GRIN3A: variants seen among roughly 807,000 people sequenced by gnomAD.
The protein encoded by GRIN3A is glutamate ionotropic receptor NMDA type subunit 3A, also known as glutamate receptor ionotropic, NMDA 3A.
GRIN3A carries 47 observed loss-of-function variants against 92.4 expected under a neutral mutation model. The observed-to-expected ratio is 0.51, with a 90% confidence interval of 0.40 to 0.65. GRIN3A has a LOEUF of 0.65. Ranked by LOEUF, GRIN3A falls within the 30% of genes least tolerant of loss-of-function variation. The probability of loss-of-function intolerance (pLI) is 0.00; values close to 1 mark genes in which losing one functional copy is unlikely to be tolerated. For missense variants in GRIN3A, 1,324 were observed against 1,393.1 expected (o/e 0.95, Z 0.79); for synonymous variants, 527 against 540.6 (o/e 0.97, Z 0.35).
At chr9:101,647,252 A>G (rs1195662624) in intron 3 of GRIN3A, among the ~76,000 whole-genome samples, 3 of 151,736 alleles carry the variant, frequency 2.0e-5, no homozygotes, top group Non-Finnish European at 4.4e-5. Flanking sequence ...TGAAATGATC[A>G]TATGTTTTTT....
intron 1 of GRIN3A, among the ~76,000 whole-genome samples, chr9:101,720,201 A>T (rs1258828877): frequency 6.6e-6 from 1 of 152,202 alleles, no homozygotes; most frequent in Non-Finnish European, 1.5e-5. Context: ...ATAGGTCCTA[A>T]CTTTCCAGAA....
intron 3 of GRIN3A, among the ~76,000 whole-genome samples, chr9:101,630,055 T>C (rs1055477976): frequency 6.6e-6 from 1 of 152,248 alleles, no homozygotes; most frequent in African/African-American, 2.4e-5. Flanking sequence ...ATTGCAGTCG[T>C]ATGGCTTGCG....
chr9:101,659,720 G>C (rs181045883), intron 3 of GRIN3A, among the ~76,000 whole-genome samples: 40 of 151,814 alleles, frequency 2.6e-4, no homozygotes, highest in African/African-American at 8.9e-4. Flanking sequence ...TTCTCTGTTT[G>C]TATTAAAATA....
intron 3 of GRIN3A, among the ~76,000 whole-genome samples, chr9:101,666,510 G>A (rs1051608929): frequency 1.3e-5 from 2 of 151,858 alleles, no homozygotes; most frequent in Non-Finnish European, 2.9e-5. Context: ...GTGGGAGGAG[G>A]GAGAGGATCA....
Position 101,571,077 on chromosome 9 carries a change from A to T in GRIN3A, c.*2097T>A, listed in dbSNP as rs1827752652. Reference sequence around the variant, plus strand: ...GTGGGTGGGGATGGCTAAGGGGCAAAATCTTCCAAAGGCAGTTGCAACCTA... The same window carrying T: ...GTGGGTGGGGATGGCTAAGGGGCAATATCTTCCAAAGGCAGTTGCAACCTA... On this transcript the variant is annotated 3_prime_UTR_variant, in exon 9 of 9. Transcript: ENST00000361820. 2 of 152,248 alleles carry T rather than the reference A, an allele frequency of 1.3e-5. No homozygotes were observed. Among genetic ancestry groups the T allele is most frequent in the Admixed American group, 1.3e-4 (2 of 15,262 alleles). 9.4% of individuals were successfully genotyped at this position (152,248 alleles called of 1,614,324 possible). A position where few individuals can be genotyped will look rare whatever the true frequency, so the allele number is the denominator to read the frequency against.
At chr9:101,632,413 T>C (rs1828727307) in intron 3 of GRIN3A, among the ~76,000 whole-genome samples, 1 of 152,208 alleles carries the variant, frequency 6.6e-6, no homozygotes, top group Non-Finnish European at 1.5e-5. Flanking sequence ...TTAGCTGCTA[T>C]TATTATTATC....
chr9:101,730,670 T>G (rs1461452243), intron 1 of GRIN3A, among the ~76,000 whole-genome samples: 3 of 152,046 alleles, frequency 2.0e-5, no homozygotes, highest in Non-Finnish European at 4.4e-5. Context: ...GTAATAATAT[T>G]TTTCTGGCTC....
intron 6 of GRIN3A, among the ~76,000 whole-genome samples, chr9:101,590,795 C>G (rs949350619): frequency 6.6e-6 from 1 of 152,058 alleles, no homozygotes; most frequent in Non-Finnish European, 1.5e-5. Context: ...AGAGTCAGTA[C>G]TATAAGTAGA....
chr9:101,633,582 C>T (rs570869763), intron 3 of GRIN3A, among the ~76,000 whole-genome samples: 53 of 152,288 alleles, frequency 3.5e-4, no homozygotes, highest in African/African-American at 1.2e-3. Flanking sequence ...GCATTATGGC[C>T]TGAGCTCTGC....
chr9:101,620,857 G>A (rs935147011), intron 5 of GRIN3A, among the ~76,000 whole-genome samples: 3 of 151,652 alleles, frequency 2.0e-5, no homozygotes, highest in African/African-American at 7.3e-5. Context: ...TGTTGTCAAA[G>A]GATAGCATAT....
chr9:101,730,994 A>G (rs1237736872), intron 1 of GRIN3A, among the ~76,000 whole-genome samples: 1 of 152,160 alleles, frequency 6.6e-6, no homozygotes, highest in Non-Finnish European at 1.5e-5. Context: ...GAACAAGGTC[A>G]CACTTTACAT....
intron 7 of GRIN3A, among the ~76,000 whole-genome samples, chr9:101,578,601 GT>G (rs1181431830): frequency 6.6e-6 from 1 of 152,144 alleles, no homozygotes; most frequent in African/African-American, 2.4e-5. Flanking sequence ...TATATTTTGG[GT>G]CTCCATGCCA....
At chr9:101,641,400 C>T (rs567511314) in intron 3 of GRIN3A, among the ~76,000 whole-genome samples, 15 of 152,150 alleles carry the variant, frequency 9.9e-5, no homozygotes, top group South Asian at 8.3e-4. Context: ...TGTCCAACAA[C>T]GATAGATTGG....
At chr9:101,628,461 A>C (rs1184660485) in intron 3 of GRIN3A, 60 bp from the exon 4 acceptor site, 2 of 1,518,496 alleles carry the variant, frequency 1.3e-6, no homozygotes, top group Non-Finnish European at 1.8e-6. Context: ...GTTTTTTAAC[A>C]TTTTTTTCAT....
Position 101,628,469 on chromosome 9 carries a change from C to A in GRIN3A, c.2353-68G>T, listed in dbSNP as rs1049548465. On this transcript the variant is annotated intron_variant, in intron 3 of 8. Coordinates refer to ENST00000361820, the MANE Select transcript of GRIN3A (RefSeq NM_133445.3). ...TAGAAGTGTTTTTTAACATTTTTTT[C>A]ATAATTCTTTGAAACTTAATAATAA... is the stretch of plus-strand genomic sequence containing the variant. The A allele has an allele frequency of 4.0e-6, 6 of 1,491,160 alleles. No individual in the cohort carries two copies. The African/African-American group carries it at 8.4e-5, about 21-fold the overall frequency. The allele number at this position is 1,491,160 out of a possible 1,614,324, so 92.4% of individuals were successfully genotyped here. A position where few individuals can be genotyped will look rare whatever the true frequency, so the allele number is the denominator to read the frequency against.
At chr9:101,685,114 A>G (rs1028653598) in intron 2 of GRIN3A, among the ~76,000 whole-genome samples, 3 of 152,216 alleles carry the variant, frequency 2.0e-5, no homozygotes, top group African/African-American at 4.8e-5. Context: ...ATAGATTTGT[A>G]GTAAATATAT....
intron 2 of GRIN3A, among the ~76,000 whole-genome samples, chr9:101,681,714 T>A (rs1343251438): frequency 0.032 from 52 of 1,614 alleles, 23 homozygotes; most frequent in African/African-American, 0.098. Context: ...TTTTTTTTTT[T>A]ATTATACTCT....
Position 101,607,093 on chromosome 9 carries a change from C to T in GRIN3A, c.2766+6283G>A, listed in dbSNP as rs373087936. Among the ~76,000 whole-genome samples the T allele has an allele frequency of 2.6e-4, 39 of 150,920 alleles. 1 individual carries two copies. Among genetic ancestry groups the T allele is most frequent in the Admixed American group, 1.9e-3 (29 of 15,154 alleles). On this transcript the variant is annotated intron_variant, in intron 6 of 8. Transcript: ENST00000361820. ...TCTTTGAAAATTGCCAGAGTCTGGT[C>T]GGCAGAATTGGACCTGCAATTTCCT...
chr9:101,624,598 C>A (rs1219859596), intron 4 of GRIN3A, among the ~76,000 whole-genome samples: 1 of 152,052 alleles, frequency 6.6e-6, no homozygotes, highest in African/African-American at 2.4e-5. Context: ...TGTATATGTG[C>A]CACATTTTCT....
Sources: allele counts gnomAD v4.1 joint callset (sites outside exome capture counted in the v4.1 genomes callset), GRCh38; gene constraint gnomAD v4.1.1; transcripts MANE v1.5; gene names NCBI Gene and HGNC (gene_info 2026-07-23, HGNC 2026-07-21).